The following UCN3 variants were observed in gnomAD, a reference collection of about 807,000 sequenced individuals.
The protein encoded by UCN3 is urocortin 3.
In UCN3, 3 loss-of-function variants were observed where a neutral mutation model predicts 3.6. The observed-to-expected ratio is 0.83, with a 90% CI of 0.38 to 2.15. The LOEUF is 2.15. Ranked by LOEUF, UCN3 falls within the 30% of genes most tolerant of loss-of-function variation. The probability of loss-of-function intolerance (pLI) is 0.06; values close to 1 mark genes in which losing one functional copy is unlikely to be tolerated. For synonymous variants in UCN3, 100 were observed against 93.2 expected (o/e 1.07, Z -0.42); for missense variants, 206 against 208.3 (o/e 0.99, Z 0.07).
Position 5,373,790 on chromosome 10 carries a change from C to A in UCN3, c.70C>A (p.His24Asn), listed in dbSNP as rs141642903. The A allele has an allele frequency of 1.7e-4, 267 of 1,613,978 alleles. No individual in the cohort carries two copies. Among genetic ancestry groups the A allele is most frequent in the Middle Eastern group, 6.6e-4 (4 of 6,062 alleles). Residue 24 changes from histidine (H) to asparagine (N), a missense_variant, in exon 2 of 2, where the codon CAC (histidine) becomes AAC (asparagine). Coordinates refer to ENST00000380433, the MANE Select transcript of UCN3 (RefSeq NM_053049.4). Reference protein sequence around the residue: ...LLGGPRTGLPHKFYKAKPIFS... With the variant: ...LLGGPRTGLPNKFYKAKPIFS... ...GGGGGGCCCCAGGACAGGCCTCCCC[C>A]ACAAGTTCTACAAAGCCAAGCCCAT... is the stretch of plus-strand genomic sequence containing the variant.
chr10:5,372,388 C>G (rs1831442634), intron 1 of UCN3, among the ~76,000 whole-genome samples: 1 of 152,200 alleles, frequency 6.6e-6, no homozygotes, highest in Non-Finnish European at 1.5e-5. Flanking sequence ...ACAAGCCCTT[C>G]TCCCCTGATG....
chr10:5,370,635 G>A lies in UCN3; in HGVS notation c.-6-3080G>A, dbSNP rs797032100. On this transcript the variant is annotated intron_variant, in intron 1 of 1. Coordinates refer to ENST00000380433, the MANE Select transcript of UCN3 (RefSeq NM_053049.4). ...TATATGCGTGTATATGCGTGTGTAT[G>A]TGTGTGTATATGTGTGTGTATGTGT... Among the ~76,000 whole-genome samples the A allele has an allele frequency of 2.6e-4, 24 of 92,518 alleles. 2 individuals carry two copies. The highest frequency in any genetic ancestry group is 3.7e-4 in the Admixed American group (3 of 8,178). The allele number at this position is 92,518 out of a possible 152,430, so 60.7% of individuals were successfully genotyped here.
Position 5,373,720 on chromosome 10 carries a change from G to T in UCN3, c.-1G>T. On this transcript the variant is annotated 5_prime_UTR_variant, in exon 2 of 2. Coordinates refer to ENST00000380433, the MANE Select transcript of UCN3 (RefSeq NM_053049.4). ...ATCCCTCTTTTCTGCTGCAGGGAGAGATGCTGATGCCGGTCCACTTCCTGC... is the reference window on the plus strand; with the variant it reads ...ATCCCTCTTTTCTGCTGCAGGGAGATATGCTGATGCCGGTCCACTTCCTGC... 1 of 1,613,116 alleles carries T rather than the reference G, an allele frequency of 6.2e-7. No individual in the cohort carries two copies. Among genetic ancestry groups the T allele is most frequent in the Non-Finnish European group, 8.5e-7 (1 of 1,179,358 alleles).
Position 5,373,778 on chromosome 10 carries a change from A to T in UCN3, c.58A>T (p.Thr20Ser), listed in dbSNP as rs1554811759. ...LLLLLLGGPR[T>S]GLPHKFYKAK... is the part of the protein sequence containing the mutation. The stretch of plus-strand genomic sequence containing the variant: ...GCTGCTGCTCCTGGGGGGCCCCAGG[A>T]CAGGCCTCCCCCACAAGTTCTACAA... The change falls in exon 2 of 2, where the codon ACA becomes TCA. Residue 20 changes from threonine to serine, a missense_variant. By Grantham distance (58) the Thr-to-Ser change is moderately conservative. Coordinates refer to ENST00000380433, the MANE Select transcript of UCN3 (RefSeq NM_053049.4). 21 of 1,613,824 alleles carry T rather than the reference A, an allele frequency of 1.3e-5. No homozygotes were observed. The highest frequency in any genetic ancestry group is 1.8e-5 in the Non-Finnish European group (21 of 1,179,894).
rs144274397 is a variant in UCN3 at position 5,369,143 on chromosome 10, G to GT, written c.-7+3914dup. Among the ~76,000 whole-genome samples, 1,249 of 152,348 alleles carry GT rather than the reference G, an allele frequency of 8.2e-3. 30 individuals carry two copies. The East Asian group carries it at 0.088, about 11-fold the overall frequency. ...GCAAAAGGAGTCTGCACAGGTCAGG[G>GT]TGGAGAGGGTAGCATGGAGCCAAAA... On this transcript the variant is annotated intron_variant, in intron 1 of 1. Transcript: ENST00000380433.
rs1314962993 is a variant in UCN3 at position 5,370,395 on chromosome 10, A to ATGTGTGTGTG, written c.-6-3319_-6-3318insGTGTGTGTGT. On this transcript the variant is annotated intron_variant, in intron 1 of 1. Coordinates refer to ENST00000380433, the MANE Select transcript of UCN3 (RefSeq NM_053049.4). ...TGTATATGCGTGTATATGCGTGTGT[A>ATGTGTGTGTG]TATGTGTGTGTATATGTGTGTGTGT... is the stretch of plus-strand genomic sequence containing the variant. 3.3e-3 allele frequency among the ~76,000 whole-genome samples: 55 copies of ATGTGTGTGTG among 16,912 alleles called. 13 individuals are homozygous for ATGTGTGTGTG. Among genetic ancestry groups the ATGTGTGTGTG allele is most frequent in the Non-Finnish European group, 3.9e-3 (35 of 8,944 alleles). The allele number at this position is 16,912 out of a possible 152,430, so 11.1% of individuals were successfully genotyped here.
At position 5,366,902 on chromosome 10, in the gene UCN3, G is replaced by A. The variant is rs782010796; in HGVS notation, c.-7+1672G>A. ...AGATGCACCAAGAACAGAGCGCCAC[G>A]CAGGACACTTGCTCCCTGACACTTT... is the stretch of plus-strand genomic sequence containing the variant. On this transcript the variant is annotated intron_variant, in intron 1 of 1. Transcript: ENST00000380433. The surrounding 1 kb of genome is among the most constrained non-coding windows in gnomAD (Gnocchi z 4.2). Among the ~76,000 whole-genome samples, 6 of 152,176 alleles carry A rather than the reference G, an allele frequency of 3.9e-5. No individual in the cohort carries two copies. The highest frequency in any genetic ancestry group is 6.6e-5 in the Admixed American group (1 of 15,266).
chr10:5,370,587 A>G lies in UCN3; in HGVS notation c.-6-3128A>G, dbSNP rs868954538. On this transcript the variant is annotated intron_variant, in intron 1 of 1. Transcript: ENST00000380433. ...TGTGTATATGCGTGTATATGTGTGT[A>G]TATGTGTGTGTGTATGCGTGTGTAT... Among the ~76,000 whole-genome samples the G allele has an allele frequency of 2.9e-3, 178 of 61,622 alleles. 22 individuals carry two copies. Among genetic ancestry groups the G allele is most frequent in the Middle Eastern group, 0.034 (2 of 58 alleles). The allele number at this position is 61,622 out of a possible 152,430, so 40.4% of individuals were successfully genotyped here. A position where few individuals can be genotyped will look rare whatever the true frequency, so the allele number is the denominator to read the frequency against.
chr10:5,371,604 G>A (rs536636546), intron 1 of UCN3, among the ~76,000 whole-genome samples: 3 of 152,244 alleles, frequency 2.0e-5, no homozygotes, highest in East Asian at 3.9e-4. Context: ...CTGCACTCAT[G>A]TGTGGGAAAT....
In UCN3 at chr10:5,374,360, C is replaced by G. The variant is rs1831475703; in HGVS notation, c.*154C>G. 2.8e-6 allele frequency: 2 copies of G among 719,218 alleles called. No individual in the cohort carries two copies. The highest frequency in any genetic ancestry group is 2.7e-5 in the Admixed American group (1 of 36,576). 44.6% of individuals were successfully genotyped at this position (719,218 alleles called of 1,614,324 possible). On this transcript the variant is annotated 3_prime_UTR_variant, in exon 2 of 2. Transcript: ENST00000380433. ...CAGGTTGCTGCACTGCTGAGCCCCTCTGATCTCTTCTGGCCTTTGACCCTG... is the reference window on the plus strand; with the variant it reads ...CAGGTTGCTGCACTGCTGAGCCCCTGTGATCTCTTCTGGCCTTTGACCCTG...
chr10:5,373,655 G>T, intron 1 of UCN3, 60 bp from the exon 2 acceptor site: 1 of 1,558,510 alleles, frequency 6.4e-7, no homozygotes, highest in Non-Finnish European at 8.7e-7. Context: ...TTTAATCCAG[G>T]TCCTCCAGAG....
intron 1 of UCN3, among the ~76,000 whole-genome samples, chr10:5,369,899 ATATGTGTGTGTGTATATGTG>A (rs1831319699): frequency 1.1e-5 from 1 of 88,080 alleles, no homozygotes; most frequent in Non-Finnish European, 2.1e-5. Context: ...GTGTGTGTGT[ATATGTGTGTGTGTATATGTG>A]TGTGTATGTG....
chr10:5,370,611 ATATGCGTGTATATGCGTGTG>A (rs1554811277), intron 1 of UCN3, among the ~76,000 whole-genome samples: 1 of 79,290 alleles, frequency 1.3e-5, no homozygotes, highest in African/African-American at 4.9e-5. Flanking sequence ...ATGCGTGTGT[ATATGCGTGTATATGCGTGTG>A]TATGTGTGTG....
At chr10:5,372,192 C>G (rs1554811611) in intron 1 of UCN3, among the ~76,000 whole-genome samples, 1 of 152,210 alleles carries the variant, frequency 6.6e-6, no homozygotes, top group Non-Finnish European at 1.5e-5. Context: ...TGTGTGCCCG[C>G]AGACCAGGCA....
In UCN3 at chr10:5,374,218, G is replaced by C; in HGVS notation, c.*12G>C. On this transcript the variant is annotated 3_prime_UTR_variant, in exon 2 of 2. Coordinates refer to ENST00000380433, the MANE Select transcript of UCN3 (RefSeq NM_053049.4). Reference sequence around the variant, plus strand: ...GGAGGAAGAAGTAGAGGCGGAGGCTGGACGGGAGGGCAGCGGGGTGGGGAG... The same window carrying C: ...GGAGGAAGAAGTAGAGGCGGAGGCTCGACGGGAGGGCAGCGGGGTGGGGAG... The C allele has an allele frequency of 6.4e-7, 1 of 1,562,238 alleles. No individual in the cohort carries two copies.
chr10:5,368,431 G>C (rs1214075998), intron 1 of UCN3, among the ~76,000 whole-genome samples: 1 of 152,154 alleles, frequency 6.6e-6, no homozygotes, highest in African/African-American at 2.4e-5. Context: ...AGTAGAAAAA[G>C]AAAGAAATCA....
At position 5,371,155 on chromosome 10, in the gene UCN3, ATG is replaced by A. The variant is rs570651612; in HGVS notation, c.-6-2553_-6-2552del. ...TGTGTGTGCATATGTGTGCATGTATATGTGTGTGCATGTGTATGTATGTGCAT... is the reference window on the plus strand; with the variant it reads ...TGTGTGTGCATATGTGTGCATGTATATGTGTGCATGTGTATGTATGTGCAT... On this transcript the variant is annotated intron_variant, in intron 1 of 1. Coordinates refer to ENST00000380433, the MANE Select transcript of UCN3 (RefSeq NM_053049.4). Among the ~76,000 whole-genome samples the A allele has an allele frequency of 7.2e-4, 108 of 149,808 alleles. 3 individuals are homozygous for A. The highest frequency in any genetic ancestry group is 2.6e-3 in the African/African-American group (105 of 39,958).
At position 5,371,002 on chromosome 10, in the gene UCN3, CAT is replaced by C. The variant is rs797028540; in HGVS notation, c.-6-2710_-6-2709del. Among the ~76,000 whole-genome samples the C allele has an allele frequency of 1.4e-3, 203 of 147,938 alleles. 8 individuals are homozygous for C. The highest frequency in any genetic ancestry group is 4.9e-3 in the African/African-American group (192 of 38,832). ...TACATGTGAGGTATGTATGTGTGTG[CAT>C]ATGTGTGCATATATATACGTGTGTG... On this transcript the variant is annotated intron_variant, in intron 1 of 1. Coordinates refer to ENST00000380433, the MANE Select transcript of UCN3 (RefSeq NM_053049.4).
chr10:5,373,670 A>G, intron 1 of UCN3, 45 bp from the exon 2 acceptor site: 3 of 1,584,534 alleles, frequency 1.9e-6, no homozygotes, highest in Non-Finnish European at 2.6e-6. Flanking sequence ...CCAGAGCACC[A>G]CGCCCCTCCC....
Sources: gnomAD v4.1 joint callset for allele counts (sites outside exome capture counted in the v4.1 genomes callset) on GRCh38, gnomAD v4.1.1 for gene constraint, Gnocchi (gnomAD v3.1) non-coding constraint, MANE v1.5 for transcripts, NCBI Gene and HGNC (gene_info 2026-07-23, HGNC 2026-07-21) for gene names.